L2HGDH: variants seen among roughly 807,000 people sequenced by gnomAD.
The protein encoded by L2HGDH is L-2-hydroxyglutarate dehydrogenase.
Under a neutral mutation model 51.5 loss-of-function variants are expected in L2HGDH, and 34 were observed. The observed-to-expected ratio is 0.66, with a 90% CI of 0.50 to 0.88. The LOEUF (loss-of-function observed/expected upper bound fraction) is 0.88. L2HGDH is among the 40% of genes least tolerant of loss of function. The pLI is 0.00. For synonymous variants in L2HGDH, 198 were observed against 197.9 expected, an observed-to-expected ratio of 1.00 and a Z score of -0.01; for missense variants, 558 against 571.9, an observed-to-expected ratio of 0.98 and a Z score of 0.25.
chr14:50,246,311 C>CG lies in L2HGDH; in HGVS notation c.*746dup, dbSNP rs1887995818. On this transcript the variant is annotated 3_prime_UTR_variant, in exon 10 of 10. Coordinates refer to ENST00000267436, the MANE Select transcript of L2HGDH (RefSeq NM_024884.3). ...ACAGCTCACTGTAGCCTTGATCTCCCGGGCTCAAGCGATCCTCCTGCCTCA... is the reference window on the plus strand; with the variant it reads ...ACAGCTCACTGTAGCCTTGATCTCCCGGGGCTCAAGCGATCCTCCTGCCTCA... 1.3e-5 allele frequency: 2 copies of CG among 151,720 alleles called. No homozygotes were observed. The highest frequency in any genetic ancestry group is 4.2e-4 in the South Asian group (2 of 4,800). 9.4% of individuals were successfully genotyped at this position (151,720 alleles called of 1,614,324 possible).
At chr14:50,277,317 C>CGTTATAAG (rs1199398522) in intron 6 of L2HGDH, among the ~76,000 whole-genome samples, 1 of 151,058 alleles carries the variant, frequency 6.6e-6, no homozygotes, top group Non-Finnish European at 1.5e-5. Flanking sequence ...AGCTAAATAT[C>CGTTATAAG]GTTATAAGGT....
chr14:50,300,305 T>C (rs1171484920), intron 3 of L2HGDH, among the ~76,000 whole-genome samples: 2 of 152,160 alleles, frequency 1.3e-5, no homozygotes, highest in African/African-American at 4.8e-5. Context: ...AATGTACACA[T>C]ACTTCTTGAG....
chr14:50,293,366 T>G, intron 4 of L2HGDH: 1 of 660,770 alleles, frequency 1.5e-6, no homozygotes, highest in East Asian at 2.8e-5. Context: ...GATCTAAATG[T>G]GAAATGTAAA....
intron 9 of L2HGDH, among the ~76,000 whole-genome samples, chr14:50,250,468 CAGT>C (rs1888281403): frequency 6.6e-6 from 1 of 152,220 alleles, no homozygotes; most frequent in African/African-American, 2.4e-5. Context: ...TAGTTATCCG[CAGT>C]AGAACAGAAC....
chr14:50,279,660 T>C (rs1343283148), intron 5 of L2HGDH, among the ~76,000 whole-genome samples: 1 of 150,626 alleles, frequency 6.6e-6, no homozygotes, highest in Non-Finnish European at 1.5e-5. Context: ...GACAACATAG[T>C]GAGACCTCAA....
intron 4 of L2HGDH, among the ~76,000 whole-genome samples, chr14:50,285,195 C>T (rs144587838): frequency 2.0e-5 from 3 of 152,212 alleles, no homozygotes; most frequent in Non-Finnish European, 4.4e-5. Flanking sequence ...TGCAGTGAGC[C>T]GAGATGATGC....
chr14:50,289,589 A>T (rs1391895229), intron 4 of L2HGDH, among the ~76,000 whole-genome samples: 1 of 152,214 alleles, frequency 6.6e-6, no homozygotes, highest in African/African-American at 2.4e-5. Flanking sequence ...CTGGCTTTAT[A>T]GGCAGAAAAA....
chr14:50,285,734 A>G (rs1890531903), intron 4 of L2HGDH, among the ~76,000 whole-genome samples: 1 of 152,222 alleles, frequency 6.6e-6, no homozygotes, highest in East Asian at 1.9e-4. Context: ...ATTACCCAGC[A>G]CAACGTCTGA....
In L2HGDH at chr14:50,245,330, T is replaced by C. The variant is rs1427122353; in HGVS notation, c.*1728A>G. On this transcript the variant is annotated 3_prime_UTR_variant, in exon 10 of 10. Transcript: ENST00000267436. ...ATCAGTGTCAGGATTCTAAAACTGC[T>C]CTCATAAAAATCTGTCTCTTCTAAG... is the stretch of plus-strand genomic sequence containing the variant. 18 of 985,218 alleles carry C rather than the reference T, an allele frequency of 1.8e-5. No homozygotes were observed. Among genetic ancestry groups the C allele is most frequent in the Non-Finnish European group, 1.9e-5 (16 of 829,886 alleles). The allele number at this position is 985,218 out of a possible 1,614,324, so 61.0% of individuals were successfully genotyped here. A position where few individuals can be genotyped will look rare whatever the true frequency, so the allele number is the denominator to read the frequency against.
Position 50,304,019 on chromosome 14 carries a change from C to T in L2HGDH, c.141-1002G>A, listed in dbSNP as rs1305640986. On this transcript the variant is annotated intron_variant, in intron 1 of 9. Transcript: ENST00000267436. ...TAAGAAATGCATTGGTAGGCGATTTCCTTGTGCAAACAGCATAGAATGTAC... is the reference window on the plus strand; with the variant it reads ...TAAGAAATGCATTGGTAGGCGATTTTCTTGTGCAAACAGCATAGAATGTAC... Among the ~76,000 whole-genome samples, 5 of 152,074 alleles carry T rather than the reference C, an allele frequency of 3.3e-5. No individual in the cohort carries two copies. The South Asian group carries it at 1.0e-3, about 32-fold the overall frequency.
At chr14:50,247,348 T>C in intron 9 of L2HGDH, 95 bp from the exon 10 acceptor site, 1 of 1,532,834 alleles carries the variant, frequency 6.5e-7, no homozygotes, top group Non-Finnish European at 8.8e-7. Flanking sequence ...TAAAGTATTC[T>C]TCTAAATGCA....
At chr14:50,265,103 T>C (rs1252783289) in intron 9 of L2HGDH, among the ~76,000 whole-genome samples, 1 of 152,152 alleles carries the variant, frequency 6.6e-6, no homozygotes. Flanking sequence ...AAAGCTGTCA[T>C]AGAGATTTCA....
At chr14:50,271,829 T>C (rs1376289141) in intron 6 of L2HGDH, among the ~76,000 whole-genome samples, 1 of 152,110 alleles carries the variant, frequency 6.6e-6, no homozygotes, top group Non-Finnish European at 1.5e-5. Context: ...TAGCAAATCC[T>C]ACCTGCAAAA....
rs1305201341 is a variant in L2HGDH at position 50,278,435 on chromosome 14, T to G, written c.738+85A>C. 4.7e-6 allele frequency: 4 copies of G among 857,798 alleles called. No individual in the cohort carries two copies. The East Asian group carries it at 7.8e-5, about 17-fold the overall frequency. The allele number at this position is 857,798 out of a possible 1,614,324, so 53.1% of individuals were successfully genotyped here. On this transcript the variant is annotated intron_variant, in intron 6 of 9. Transcript: ENST00000267436. ...ATTAGACAAATGTCATTCAATAACT[T>G]AAAATACAGCCCTGTGGGTTAATTT...
chr14:50,304,981 T>C (rs1380688102), intron 1 of L2HGDH, among the ~76,000 whole-genome samples: 2 of 152,228 alleles, frequency 1.3e-5, no homozygotes, highest in Non-Finnish European at 2.9e-5. Context: ...GATTAGGCCC[T>C]TTCTTCGAAA....
At chr14:50,299,016 A>T (rs2030249218) in intron 3 of L2HGDH, among the ~76,000 whole-genome samples, 1 of 152,110 alleles carries the variant, frequency 6.6e-6, no homozygotes, top group South Asian at 2.1e-4. Context: ...GAAACAAAGA[A>T]AACAATACAA....
Position 50,265,344 on chromosome 14 carries a change from T to A in L2HGDH, c.1196+14A>T. The A allele has an allele frequency of 6.2e-7, 1 of 1,607,066 alleles. No homozygotes were observed. Among genetic ancestry groups the A allele is most frequent in the Non-Finnish European group, 8.5e-7 (1 of 1,173,838 alleles). ...GTCAGGACTGTATTTACACTCCTTA[T>A]CCCTTTTCCTTACCTAAGTATATCA... On this transcript the variant is annotated intron_variant, in intron 9 of 9. Transcript: ENST00000267436.
At position 50,243,409 on chromosome 14, in the gene L2HGDH, T is replaced by G. The variant is rs1887873253; in HGVS notation, c.*3649A>C. Reference sequence around the variant, plus strand: ...TCTATCTAAAGCAAACAGTTTATGTTTTACACATAAAAAAATTTATTTGCA... The same window carrying G: ...TCTATCTAAAGCAAACAGTTTATGTGTTACACATAAAAAAATTTATTTGCA... On this transcript the variant is annotated 3_prime_UTR_variant, in exon 10 of 10. Coordinates refer to ENST00000267436, the MANE Select transcript of L2HGDH (RefSeq NM_024884.3). The G allele has an allele frequency of 2.1e-6, 2 of 974,956 alleles. No individual in the cohort carries two copies. Among genetic ancestry groups the G allele is most frequent in the Admixed American group, 6.2e-5 (1 of 16,234 alleles). 60.4% of individuals were successfully genotyped at this position (974,956 alleles called of 1,614,324 possible).
chr14:50,263,608 T>C (rs999798693), intron 9 of L2HGDH, among the ~76,000 whole-genome samples: 10 of 152,254 alleles, frequency 6.6e-5, no homozygotes, highest in African/African-American at 2.4e-4. Context: ...AGGGATGGAT[T>C]GTAAATGGAG....
Sources: allele counts gnomAD v4.1 joint callset (sites outside exome capture counted in the v4.1 genomes callset), GRCh38; gene constraint gnomAD v4.1.1; transcripts MANE v1.5; gene names NCBI Gene and HGNC (gene_info 2026-07-23, HGNC 2026-07-21).